The following ATXN1 variants were observed in gnomAD, a reference collection of about 807,000 sequenced individuals.
The protein encoded by ATXN1 is ataxin 1.
Under a neutral mutation model 56.4 loss-of-function variants are expected in ATXN1, and 8 were observed. The ratio of observed to expected loss-of-function variants is 0.14; its 90% CI spans 0.08 to 0.26. ATXN1 has a LOEUF of 0.26. ATXN1 is among the 10% of genes least tolerant of loss of function. The pLI, the probability that ATXN1 is intolerant of heterozygous loss-of-function variation, is 1.00. For synonymous variants in ATXN1, 514 were observed against 494.6 expected (o/e 1.04, Z -0.52); for missense variants, 987 against 1,106.5 (o/e 0.89, Z 1.53).
At chr6:16,531,124 C>G (rs1255207898) in intron 4 of ATXN1, among the ~76,000 whole-genome samples, 2 of 152,208 alleles carry the variant, frequency 1.3e-5, no homozygotes, top group Non-Finnish European at 2.9e-5. Flanking sequence ...AGCTGCATCT[C>G]TGACCTGGAG....
intron 3 of ATXN1, among the ~76,000 whole-genome samples, chr6:16,643,537 G>A (rs1302091604): frequency 1.4e-5 from 2 of 145,200 alleles, no homozygotes; most frequent in South Asian, 2.2e-4. Flanking sequence ...GCTGAGGCAG[G>A]AAGATCACTT....
At chr6:16,413,468 C>T (rs1331647803) in intron 6 of ATXN1, among the ~76,000 whole-genome samples, 2 of 152,028 alleles carry the variant, frequency 1.3e-5, no homozygotes, top group Non-Finnish European at 2.9e-5. Context: ...ACCTTTGTGC[C>T]GTGGGCTCAT....
At chr6:16,555,953 T>C (rs1341110851) in intron 4 of ATXN1, among the ~76,000 whole-genome samples, 1 of 152,228 alleles carries the variant, frequency 6.6e-6, no homozygotes, top group Non-Finnish European at 1.5e-5. Context: ...ATAAAATACC[T>C]CTCTAGTTTG....
At chr6:16,629,074 T>G (rs1763458848) in intron 3 of ATXN1, among the ~76,000 whole-genome samples, 1 of 150,268 alleles carries the variant, frequency 6.7e-6, no homozygotes, top group Non-Finnish European at 1.5e-5. Flanking sequence ...TGAACTAATT[T>G]GTACACTCAC....
chr6:16,371,117 G>A (rs1762031853), intron 6 of ATXN1, among the ~76,000 whole-genome samples: 1 of 152,098 alleles, frequency 6.6e-6, no homozygotes, highest in Non-Finnish European at 1.5e-5. Flanking sequence ...TGAAAGAATG[G>A]TTTGCAAAGC....
chr6:16,543,055 C>CG (rs1420098945), intron 4 of ATXN1, among the ~76,000 whole-genome samples: 1 of 152,094 alleles, frequency 6.6e-6, no homozygotes, highest in African/African-American at 2.4e-5. Context: ...TCACAGGGAA[C>CG]GGAACACATT....
At chr6:16,715,828 C>G (rs896432385) in intron 2 of ATXN1, among the ~76,000 whole-genome samples, 3 of 152,188 alleles carry the variant, frequency 2.0e-5, no homozygotes, top group Non-Finnish European at 4.4e-5. Context: ...CAGTTTGGCT[C>G]CAACTTACTT....
intron 2 of ATXN1, among the ~76,000 whole-genome samples, chr6:16,703,460 C>T (rs949197175): frequency 6.6e-6 from 1 of 152,154 alleles, no homozygotes; most frequent in African/African-American, 2.4e-5. Flanking sequence ...TGCACATCTA[C>T]CCTAAAACTT....
chr6:16,358,940 C>A (rs575575522), intron 6 of ATXN1, among the ~76,000 whole-genome samples: 2 of 152,302 alleles, frequency 1.3e-5, no homozygotes, highest in Admixed American at 6.5e-5. Flanking sequence ...CTGCCCCTTC[C>A]GAGTTGTCAG....
chr6:16,604,957 T>A (rs1264574132), intron 3 of ATXN1, among the ~76,000 whole-genome samples: 1 of 152,196 alleles, frequency 6.6e-6, no homozygotes, highest in African/African-American at 2.4e-5. Context: ...TGTTTTCATG[T>A]TATATATGTG....
At chr6:16,724,891 AG>A (rs1204418873) in intron 2 of ATXN1, among the ~76,000 whole-genome samples, 1 of 152,190 alleles carries the variant, frequency 6.6e-6, no homozygotes, top group African/African-American at 2.4e-5. Flanking sequence ...ACCTAGTCTT[AG>A]GGCTGTGAGG....
chr6:16,324,523 T>C (rs975805772), intron 7 of ATXN1, among the ~76,000 whole-genome samples: 1 of 152,174 alleles, frequency 6.6e-6, no homozygotes, highest in Non-Finnish European at 1.5e-5. Flanking sequence ...TTTTATTTTA[T>C]CTGAATGTCC....
chr6:16,600,840 A>G (rs755841520), intron 3 of ATXN1, among the ~76,000 whole-genome samples: 5 of 152,214 alleles, frequency 3.3e-5, no homozygotes, highest in Non-Finnish European at 7.3e-5. Flanking sequence ...TGAATCATTT[A>G]CCTCGCTGGG....
chr6:16,387,527 T>C (rs1758266085), intron 6 of ATXN1, among the ~76,000 whole-genome samples: 1 of 152,146 alleles, frequency 6.6e-6, no homozygotes, highest in African/African-American at 2.4e-5. Context: ...CCCAGGGACA[T>C]CTGAAAAGGA....
intron 4 of ATXN1, among the ~76,000 whole-genome samples, chr6:16,559,200 T>C (rs531007335): frequency 3.9e-5 from 6 of 152,222 alleles, no homozygotes; most frequent in Admixed American, 2.6e-4. Context: ...AATGCCAAAT[T>C]GGAGGGCAAT....
intron 2 of ATXN1, among the ~76,000 whole-genome samples, chr6:16,674,847 T>TGCTCCTAGAGAAACAGATCATTTCCTCA (rs1344131660): frequency 6.6e-6 from 1 of 152,162 alleles, no homozygotes; most frequent in African/African-American, 2.4e-5. Context: ...AAGAAATCAA[T>TGCTCCTAGAGAAACAGATCATTTCCTCA]GCTCCTAGAG....
chr6:16,542,354 A>G (rs948313133), intron 4 of ATXN1, among the ~76,000 whole-genome samples: 1 of 152,236 alleles, frequency 6.6e-6, no homozygotes, highest in African/African-American at 2.4e-5. Context: ...AGCAGAGAGC[A>G]CTATGCTTCA....
At chr6:16,392,501 CTT>C (rs71714432) in intron 6 of ATXN1, among the ~76,000 whole-genome samples, 3 of 146,966 alleles carry the variant, frequency 2.0e-5, no homozygotes, top group Non-Finnish European at 4.5e-5. Context: ...CCAACCCATT[CTT>C]TTTTTTTTTT....
At chr6:16,669,513 C>T (rs1758495118) in intron 2 of ATXN1, among the ~76,000 whole-genome samples, 1 of 152,132 alleles carries the variant, frequency 6.6e-6, no homozygotes, top group African/African-American at 2.4e-5. Context: ...GTTCACAAAG[C>T]ACTGTTCTCT....
Sources: allele counts gnomAD v4.1 joint callset (sites outside exome capture counted in the v4.1 genomes callset), GRCh38; gene constraint gnomAD v4.1.1; transcripts MANE v1.5; gene names NCBI Gene and HGNC (gene_info 2026-07-23, HGNC 2026-07-21).